The following COP1 variants were observed in gnomAD, a reference collection of about 807,000 sequenced individuals.
The protein encoded by COP1 is COP1 E3 ubiquitin ligase.
A neutral mutation model predicts 101.3 loss-of-function variants in COP1; 24 were observed. That is an observed-to-expected ratio of 0.24 (90% confidence interval 0.17 to 0.33). The LOEUF is 0.33. Among genes scored for constraint, COP1 ranks in the 10% least tolerant of loss-of-function variants. The pLI, the probability that COP1 is intolerant of heterozygous loss-of-function variation, is 1.00. For synonymous variants in COP1, 347 were observed against 341.9 expected (o/e 1.01, Z -0.17); for missense variants, 663 against 906.2 (o/e 0.73, Z 3.45).
intron 18 of COP1, among the ~76,000 whole-genome samples, chr1:175,951,063 T>C (rs1435863206): frequency 6.6e-6 from 1 of 151,950 alleles, no homozygotes; most frequent in Non-Finnish European, 1.5e-5. Flanking sequence ...CTGACCAACA[T>C]GGAGAAACCC....
At chr1:176,142,998 T>A (rs527849073) in intron 6 of COP1, among the ~76,000 whole-genome samples, 1 of 150,812 alleles carries the variant, frequency 6.6e-6, no homozygotes, top group African/African-American at 2.4e-5. Flanking sequence ...ATGGAAATAA[T>A]AAAGAACATA....
chr1:176,109,287 A>G (rs143896487), intron 9 of COP1, among the ~76,000 whole-genome samples: 1 of 152,044 alleles, frequency 6.6e-6, no homozygotes, highest in Non-Finnish European at 1.5e-5. Flanking sequence ...TTGCTGTTTA[A>G]ATTATTGTTT....
At chr1:176,056,228 G>T (rs1673456820) in intron 11 of COP1, among the ~76,000 whole-genome samples, 1 of 152,184 alleles carries the variant, frequency 6.6e-6, no homozygotes, top group South Asian at 2.1e-4. Context: ...TACATTTTCT[G>T]ATGTTCCATG....
At chr1:176,133,396 T>C (rs968696720) in intron 8 of COP1, among the ~76,000 whole-genome samples, 1 of 151,922 alleles carries the variant, frequency 6.6e-6, no homozygotes, top group African/African-American at 2.4e-5. Context: ...GGTCTCTTTA[T>C]GTGCTCTATT....
At chr1:176,027,734 A>C (rs1296515405) in intron 14 of COP1, 46 bp from the exon 15 acceptor site, 1 of 1,097,342 alleles carries the variant, frequency 9.1e-7, no homozygotes, top group South Asian at 1.3e-5. Flanking sequence ...CAAGTAATAC[A>C]TTAGTAAATG....
At chr1:176,025,698 T>G (rs1340398425) in intron 15 of COP1, among the ~76,000 whole-genome samples, 1 of 151,978 alleles carries the variant, frequency 6.6e-6, no homozygotes, top group Non-Finnish European at 1.5e-5. Context: ...GAGAACAGCC[T>G]GAGCAACATG....
chr1:176,168,330 T>C (rs1224315748), intron 3 of COP1, among the ~76,000 whole-genome samples: 1 of 150,936 alleles, frequency 6.6e-6, no homozygotes. Flanking sequence ...GTGCTGGGAT[T>C]ACAGGCGTGA....
intron 5 of COP1, among the ~76,000 whole-genome samples, chr1:176,151,952 ATTT>A (rs34038117): frequency 2.9e-5 from 4 of 140,240 alleles, no homozygotes; most frequent in Admixed American, 7.1e-5. Context: ...TTTTGAGGGC[ATTT>A]TTTTTTTTTT....
chr1:175,957,915 T>C (rs1650879723), intron 18 of COP1, among the ~76,000 whole-genome samples: 1 of 152,068 alleles, frequency 6.6e-6, no homozygotes, highest in Non-Finnish European at 1.5e-5. Flanking sequence ...AGGAGCCAGG[T>C]GCAAAAAATT....
At chr1:176,186,083 A>G (rs1195198991) in intron 1 of COP1, among the ~76,000 whole-genome samples, 1 of 152,136 alleles carries the variant, frequency 6.6e-6, no homozygotes. Flanking sequence ...CTACAAAGGG[A>G]CCCATAGTAA....
chr1:176,195,040 T>A (rs887046157), intron 1 of COP1, among the ~76,000 whole-genome samples: 2 of 151,520 alleles, frequency 1.3e-5, no homozygotes, highest in South Asian at 4.2e-4. Context: ...TGAGCTGTGA[T>A]CACGCCACTG....
rs566760223 is a variant in COP1 at position 175,992,090 on chromosome 1, TTGAG to T, written c.1730-2615_1730-2612del. Among the ~76,000 whole-genome samples, 195 of 152,346 alleles carry T rather than the reference TTGAG, an allele frequency of 1.3e-3. 2 individuals are homozygous for T. The highest frequency in any genetic ancestry group is 8.2e-3 in the Admixed American group (126 of 15,300). On this transcript the variant is annotated intron_variant, in intron 15 of 19. Transcript: ENST00000367669. ...ACTTTTTGAACATTTTTAATTTTTT[TTGAG>T]TATTATAGTTGGTATATACACTTAT...
At chr1:176,014,996 GAGAC>G (rs1375492845) in intron 15 of COP1, among the ~76,000 whole-genome samples, 2 of 152,164 alleles carry the variant, frequency 1.3e-5, no homozygotes, top group Middle Eastern at 3.2e-3. Flanking sequence ...TGATAACAAT[GAGAC>G]AGAGAGGAAA....
chr1:176,058,457 C>G (rs977006611), intron 11 of COP1, among the ~76,000 whole-genome samples: 1 of 152,150 alleles, frequency 6.6e-6, no homozygotes, highest in Non-Finnish European at 1.5e-5. Context: ...TGTGACCTTA[C>G]CCCCAACCCT....
At chr1:176,178,594 G>A (rs140358075) in intron 2 of COP1, among the ~76,000 whole-genome samples, 1 of 152,146 alleles carries the variant, frequency 6.6e-6, no homozygotes, top group Non-Finnish European at 1.5e-5. Flanking sequence ...GCTCACACCT[G>A]TAATTCCAGC....
At chr1:176,202,228 C>G (rs1372601661) in intron 1 of COP1, among the ~76,000 whole-genome samples, 1 of 128,350 alleles carries the variant, frequency 7.8e-6, no homozygotes, top group Non-Finnish European at 1.6e-5. Flanking sequence ...CTCACTTTGT[C>G]GTCCAGGCTG....
intron 11 of COP1, among the ~76,000 whole-genome samples, chr1:176,065,650 C>T (rs143913510): frequency 1.3e-5 from 2 of 150,888 alleles, no homozygotes; most frequent in African/African-American, 4.9e-5. Context: ...ACATAAACTC[C>T]TTTTGGGAAA....
At chr1:176,114,212 G>A (rs1283569407) in intron 9 of COP1, among the ~76,000 whole-genome samples, 1 of 152,018 alleles carries the variant, frequency 6.6e-6, no homozygotes, top group Non-Finnish European at 1.5e-5. Context: ...TTCTCCTAAT[G>A]TATTCCATTA....
chr1:176,195,689 T>A (rs1022525288), intron 1 of COP1, among the ~76,000 whole-genome samples: 1 of 152,140 alleles, frequency 6.6e-6, no homozygotes, highest in Non-Finnish European at 1.5e-5. Flanking sequence ...ATTTAGAAAT[T>A]AAACAACTGC....
Sources: allele counts gnomAD v4.1 joint callset (sites outside exome capture counted in the v4.1 genomes callset), GRCh38; gene constraint gnomAD v4.1.1; transcripts MANE v1.5; gene names NCBI Gene and HGNC (gene_info 2026-07-23, HGNC 2026-07-21).